Variants in NDE1 observed in about 807,000 individuals in gnomAD.
The protein encoded by NDE1 is nuclear distribution protein nudE homolog 1.
In NDE1, 28 loss-of-function variants were observed where a neutral mutation model predicts 43.4. The observed-to-expected ratio is 0.65, with a 90% confidence interval of 0.48 to 0.89. The LOEUF (loss-of-function observed/expected upper bound fraction) is 0.89. NDE1 is among the 40% of genes least tolerant of loss of function. The probability of loss-of-function intolerance (pLI) is 0.00; values close to 1 mark genes in which losing one functional copy is unlikely to be tolerated. For synonymous variants in NDE1, 184 were observed against 172.0 expected (o/e 1.07, Z -0.55); for missense variants, 441 against 434.1 (o/e 1.02, Z -0.14).
intron 7 of NDE1, chr16:15,695,455 C>G: frequency 1.0e-6 from 1 of 968,244 alleles, no homozygotes; most frequent in Non-Finnish European, 1.2e-6. Context: ...TTGCAGTGAG[C>G]TGAGATCGCA....
intron 2 of NDE1, among the ~76,000 whole-genome samples, chr16:15,666,901 C>G (rs2037335015): frequency 6.6e-6 from 1 of 152,154 alleles, no homozygotes; most frequent in Non-Finnish European, 1.5e-5. Context: ...TTCCTACTTT[C>G]TTTATTCTAG....
intron 6 of NDE1, among the ~76,000 whole-genome samples, 183 bp downstream of exon 6, chr16:15,691,506 G>T (rs1231687206): frequency 6.6e-6 from 1 of 152,054 alleles, no homozygotes; most frequent in Non-Finnish European, 1.5e-5. Flanking sequence ...GTGAGGACTG[G>T]GTAAGAGGCA....
chr16:15,710,695 T>G (rs112567367), intron 8 of NDE1, among the ~76,000 whole-genome samples: 5,680 of 151,632 alleles, frequency 0.037, 362 homozygotes, highest in African/African-American at 0.13. Context: ...TTTGTTTTTT[T>G]TTTGGAGACA....
chr16:15,725,959 C>T lies in NDE1; in HGVS notation c.*1708C>T, dbSNP rs2040732459. 8.5e-6 allele frequency: 3 copies of T among 353,688 alleles called. No homozygotes were observed. The highest frequency in any genetic ancestry group is 1.0e-5 in the Non-Finnish European group (2 of 197,878). The allele number at this position is 353,688 out of a possible 1,614,324, so 21.9% of individuals were successfully genotyped here. ...CTCCAACCCCACTCTGTACTATCTC[C>T]CCCTACCCCCAACCCCAGCTGGGCA... On this transcript the variant is annotated 3_prime_UTR_variant, in exon 9 of 9. Transcript: ENST00000396354.
In NDE1 at chr16:15,725,977, G is replaced by C; in HGVS notation, c.*1726G>C. 3.1e-6 allele frequency: 1 copy of C among 327,782 alleles called. No homozygotes were observed. The highest frequency in any genetic ancestry group is 5.5e-6 in the Non-Finnish European group (1 of 182,814). 20.3% of individuals were successfully genotyped at this position (327,782 alleles called of 1,614,324 possible). ...CTATCTCCCCCTACCCCCAACCCCA[G>C]CTGGGCACTCCAGCTCTACTGGCTG... On this transcript the variant is annotated 3_prime_UTR_variant, in exon 9 of 9. Transcript: ENST00000396354.
chr16:15,709,492 T>A (rs2039659888), intron 8 of NDE1, among the ~76,000 whole-genome samples: 4 of 152,106 alleles, frequency 2.6e-5, no homozygotes, highest in Non-Finnish European at 5.9e-5. Context: ...TTTTCATATT[T>A]TTAGTAGAGA....
At chr16:15,694,512 A>G in intron 7 of NDE1, 1 of 1,208,110 alleles carries the variant, frequency 8.3e-7, no homozygotes, top group Non-Finnish European at 1.1e-6. Flanking sequence ...TGCCTGGCTG[A>G]TACTTTCATT....
At chr16:15,691,388 G>T in intron 6 of NDE1, 65 bp downstream of exon 6, 1 of 1,551,256 alleles carries the variant, frequency 6.4e-7, no homozygotes, top group East Asian at 2.4e-5. Flanking sequence ...AGAATCTGGG[G>T]TGGGTCCTGG....
At position 15,704,633 on chromosome 16, in the gene NDE1, G is replaced by C. The variant is rs72772012; in HGVS notation, c.947+7773G>C. 9.7e-3 allele frequency among the ~76,000 whole-genome samples: 1,477 copies of C among 152,266 alleles called. 17 individuals carry two copies. The highest frequency in any genetic ancestry group is 0.04 in the South Asian group (192 of 4,826). ...GATTTGAATTGGAAGAAGGTGAAAT[G>C]GACAAGGGCAGCCTTGAGAAGGACA... On this transcript the variant is annotated intron_variant, in intron 8 of 8. Transcript: ENST00000396354.
At position 15,724,858 on chromosome 16, in the gene NDE1, G is replaced by A. The variant is rs779339125; in HGVS notation, c.*607G>A. 6.2e-7 allele frequency: 1 copy of A among 1,613,826 alleles called. No homozygotes were observed. Among genetic ancestry groups the A allele is most frequent in the Non-Finnish European group, 8.5e-7 (1 of 1,179,972 alleles). ...TGCCCCGAGGAAGGCCACCCCCCAG[G>A]TCCCCTGGATGATGTGGCAGGACAC... On this transcript the variant is annotated 3_prime_UTR_variant, in exon 9 of 9. Transcript: ENST00000396354.
chr16:15,677,841 T>A lies in NDE1; in HGVS notation c.278T>A (p.Ile93Asn), dbSNP rs774812283. The A allele has an allele frequency of 1.9e-6, 3 of 1,614,026 alleles. No individual in the cohort carries two copies. In the African/African-American group the frequency reaches 4.0e-5, roughly 22 times the overall value. ...CAGCACTCTGAAGGCTACCGGCAGA[T>A]CTCAGCCTTGGAGGATGACCTCGCG... Reference protein sequence around the residue: ...EVQHSEGYRQISALEDDLAQT... With the variant: ...EVQHSEGYRQNSALEDDLAQT... The change falls in exon 4 of 9, where the codon ATC becomes AAC. Residue 93 changes from isoleucine (I) to asparagine (N), a missense_variant. Ile to Asn is a moderately radical substitution (Grantham distance 149). Coordinates refer to ENST00000396354, the MANE Select transcript of NDE1 (RefSeq NM_017668.3).
At chr16:15,654,771 A>G (rs976870503) in intron 1 of NDE1, among the ~76,000 whole-genome samples, 8 of 148,468 alleles carry the variant, frequency 5.4e-5, no homozygotes, top group South Asian at 4.4e-4. Flanking sequence ...ACATTTAGAG[A>G]TGGCCAAGGC....
chr16:15,720,655 G>C (rs531459744), intron 8 of NDE1, among the ~76,000 whole-genome samples: 4 of 152,154 alleles, frequency 2.6e-5, no homozygotes, highest in African/African-American at 9.6e-5. Context: ...GGGAGGCTGA[G>C]GCAGGAGGTG....
At chr16:15,688,511 C>T (rs1205761300) in intron 5 of NDE1, among the ~76,000 whole-genome samples, 1 of 150,438 alleles carries the variant, frequency 6.6e-6, no homozygotes, top group Non-Finnish European at 1.5e-5. Flanking sequence ...TGGGTGCCTG[C>T]AATCCCAGCT....
rs934815328 is a variant in NDE1, at chr16:15,720,836, C to T, written c.948-3355C>T. On this transcript the variant is annotated intron_variant, in intron 8 of 8. Transcript: ENST00000396354. ...CTCTGCTGGCCTCCCCGGCAGCACG[C>T]ACCTGTCTCTGCAGTTGCCTCCTCT... The T allele has an allele frequency of 3.7e-6, 6 of 1,613,334 alleles. No individual in the cohort carries two copies. Among genetic ancestry groups the T allele is most frequent in the East Asian group, 2.2e-5 (1 of 44,858 alleles).
chr16:15,660,788 G>C (rs8061691), intron 1 of NDE1, among the ~76,000 whole-genome samples: 4,443 of 152,166 alleles, frequency 0.029, 91 homozygotes, highest in South Asian at 0.067. Flanking sequence ...ACACTGGAAT[G>C]TTTCCCTTTT....
chr16:15,681,589 G>A (rs1471394906), intron 4 of NDE1, among the ~76,000 whole-genome samples: 8 of 151,920 alleles, frequency 5.3e-5, no homozygotes, highest in South Asian at 2.1e-4. Flanking sequence ...TGGGTTGTTC[G>A]TTGTTTTTTT....
At chr16:15,685,430 T>A (rs1382858641) in intron 4 of NDE1, among the ~76,000 whole-genome samples, 1 of 152,084 alleles carries the variant, frequency 6.6e-6, no homozygotes, top group African/African-American at 2.4e-5. Flanking sequence ...TTTTTACTTT[T>A]TGTAGAGACA....
rs780082554 is a variant in NDE1, at chr16:15,667,411, G to A, written c.209G>A (p.Arg70His). The A allele has an allele frequency of 1.3e-5, 21 of 1,613,726 alleles. No homozygotes were observed. Among genetic ancestry groups the A allele is most frequent in the Non-Finnish European group, 1.6e-5 (19 of 1,179,880 alleles). ...RNRDLLSENN[R>H]LRMELETIKE... ...AGAGACCTCCTGTCCGAAAATAACC[G>A]CCTTCGCATGGAGCTGGAAACCATC... The change falls in exon 3 of 9, where the codon CGC (arginine) becomes CAC (histidine). Residue 70 changes from arginine (R) to histidine (H), a missense_variant. By Grantham distance (29) the Arg-to-His change is conservative. Transcript: ENST00000396354.
Sources: allele counts gnomAD v4.1 joint callset (sites outside exome capture counted in the v4.1 genomes callset), GRCh38; gene constraint gnomAD v4.1.1; transcripts MANE v1.5; gene names NCBI Gene and HGNC (gene_info 2026-07-23, HGNC 2026-07-21).